The following FAM171B variants were observed in gnomAD, a reference collection of about 807,000 sequenced individuals.
FAM171B encodes the protein family with sequence similarity 171 member B, also known as protein FAM171B.
Under a neutral mutation model 75.6 loss-of-function variants are expected in FAM171B, and 19 were observed. The observed-to-expected ratio is 0.25, with a 90% CI of 0.18 to 0.37. The LOEUF is 0.37. FAM171B is among the 10% of genes least tolerant of loss of function. FAM171B has a pLI of 1.00. For missense variants in FAM171B, 848 were observed against 982.4 expected (o/e 0.86, Z 1.83); for synonymous variants, 367 against 361.7 (o/e 1.01, Z -0.17).
Position 186,762,732 on chromosome 2 carries a change from A to AAAG in FAM171B, c.2394_2396dup (p.Arg799dup). ...TTTGAAGCTAATACATCCCCCACTAAAAGAAGGGGCAGACCACCACTAGCC... is the reference window on the plus strand; with the variant it reads ...TTTGAAGCTAATACATCCCCCACTAAAAGAAGAAGGGGCAGACCACCACTAGCC... On this transcript the variant is annotated inframe_insertion, in exon 8 of 8. Coordinates refer to ENST00000304698, the MANE Select transcript of FAM171B (RefSeq NM_177454.4). The surrounding 1 kb of genome is among the most constrained non-coding windows in gnomAD (Gnocchi z 4.0). 1.2e-6 allele frequency: 2 copies of AAAG among 1,613,222 alleles called. No individual in the cohort carries two copies. Among genetic ancestry groups the AAAG allele is most frequent in the Non-Finnish European group, 1.7e-6 (2 of 1,179,566 alleles).
At chr2:186,714,716 G>T (rs191645593) in intron 1 of FAM171B, among the ~76,000 whole-genome samples, 3 of 152,126 alleles carry the variant, frequency 2.0e-5, no homozygotes, top group Non-Finnish European at 4.4e-5. Context: ...TGTGCTTTCC[G>T]AGCCTAGCTA....
chr2:186,753,201 T>G (rs534843356), intron 5 of FAM171B, among the ~76,000 whole-genome samples: 28 of 152,176 alleles, frequency 1.8e-4, no homozygotes, highest in Non-Finnish European at 3.2e-4. Flanking sequence ...CAGGCTGGAG[T>G]GCAGTGGCGC....
At chr2:186,743,446 A>G (rs770553304) in intron 2 of FAM171B, 37 bp from the exon 3 acceptor site, 2 of 1,458,316 alleles carry the variant, frequency 1.4e-6, no homozygotes, top group East Asian at 4.6e-5. Flanking sequence ...TTCCCCTCAC[A>G]TTAAGTAAAA....
intron 4 of FAM171B, 45 bp from the exon 5 acceptor site, chr2:186,751,089 C>A: frequency 7.0e-7 from 1 of 1,422,186 alleles, no homozygotes; most frequent in Non-Finnish European, 9.5e-7. Flanking sequence ...AGGTAACTAC[C>A]ACCTCTGTTT....
At chr2:186,712,935 A>G (rs1237461133) in intron 1 of FAM171B, among the ~76,000 whole-genome samples, 3 of 152,252 alleles carry the variant, frequency 2.0e-5, no homozygotes, top group African/African-American at 4.8e-5. Context: ...ATTGCAAACA[A>G]GTACATTTAA....
At chr2:186,719,518 AG>A (rs2105778178) in intron 1 of FAM171B, among the ~76,000 whole-genome samples, 1 of 152,340 alleles carries the variant, frequency 6.6e-6, no homozygotes, top group African/African-American at 2.4e-5. Context: ...CTTTATAAGA[AG>A]CTCTCTTAAT....
intron 4 of FAM171B, among the ~76,000 whole-genome samples, chr2:186,750,264 TTCAAAA>T (rs1299691778): frequency 6.6e-6 from 1 of 152,198 alleles, no homozygotes; most frequent in African/African-American, 2.4e-5. Flanking sequence ...TTGCTAATAT[TTCAAAA>T]GCAAAAGAAA....
Position 186,762,472 on chromosome 2 carries a change from C to T in FAM171B, c.2130C>T (p.Asp710=), listed in dbSNP as rs1275272145. 7.4e-6 allele frequency: 12 copies of T among 1,613,362 alleles called. No individual in the cohort carries two copies. The highest frequency in any genetic ancestry group is 9.3e-6 in the Non-Finnish European group (11 of 1,179,756). The change falls in exon 8 of 8, where the codon GAC becomes GAT. Residue 710 remains aspartate (D), a synonymous_variant. Transcript: ENST00000304698. This position sits in a 1 kb window ranked among gnomAD's most constrained non-coding sequence, Gnocchi z 4.0. ...SNDTSLDSGV[D]MNELHSSRKL... is the part of the protein sequence containing the mutation. ...ACACCAGTCTGGACTCTGGGGTGGA[C>T]ATGAATGAGCTTCACTCAAGTAGAA...
At position 186,710,420 on chromosome 2, in the gene FAM171B, CT is replaced by C. The variant is rs542696983; in HGVS notation, c.238+16012del. Among the ~76,000 whole-genome samples the C allele has an allele frequency of 7.2e-5, 11 of 152,318 alleles. No homozygotes were observed. In the South Asian group the frequency reaches 2.1e-3, roughly 29 times the overall value. Reference sequence around the variant, plus strand: ...TCTTAACCCAACAGATTTGCTTCCTCTTTAGACCTTATTTATTTCCACCACT... The same window carrying C: ...TCTTAACCCAACAGATTTGCTTCCTCTTAGACCTTATTTATTTCCACCACT... On this transcript the variant is annotated intron_variant, in intron 1 of 7. Transcript: ENST00000304698.
intron 1 of FAM171B, among the ~76,000 whole-genome samples, chr2:186,702,889 A>T (rs1689683248): frequency 6.6e-6 from 1 of 152,066 alleles, no homozygotes; most frequent in Non-Finnish European, 1.5e-5. Flanking sequence ...GTGACATTTC[A>T]ACTTCTATTT....
intron 1 of FAM171B, among the ~76,000 whole-genome samples, chr2:186,736,645 C>CTTTT (rs71396886): frequency 4.0e-5 from 2 of 50,204 alleles, no homozygotes; most frequent in Non-Finnish European, 6.8e-5. Flanking sequence ...GGGATCAGAG[C>CTTTT]TTTTTTTTTT....
chr2:186,754,891 C>A (rs572107737), intron 6 of FAM171B, among the ~76,000 whole-genome samples: 9 of 151,920 alleles, frequency 5.9e-5, no homozygotes, highest in Non-Finnish European at 1.2e-4. Context: ...CCAAGGCAGC[C>A]AAAAGATTGG....
At chr2:186,751,083 A>G in intron 4 of FAM171B, 51 bp from the exon 5 acceptor site, 1 of 1,389,286 alleles carries the variant, frequency 7.2e-7, no homozygotes, top group African/African-American at 1.4e-5. Flanking sequence ...ATAATTAGGT[A>G]ACTACCACCT....
intron 1 of FAM171B, among the ~76,000 whole-genome samples, chr2:186,705,030 G>C (rs967361588): frequency 2.0e-5 from 3 of 152,212 alleles, no homozygotes; most frequent in African/African-American, 7.2e-5. Flanking sequence ...GCTTCGCCCA[G>C]GAAGGAATTC....
At chr2:186,708,498 T>TG (rs1689764898) in intron 1 of FAM171B, among the ~76,000 whole-genome samples, 1 of 152,074 alleles carries the variant, frequency 6.6e-6, no homozygotes, top group Admixed American at 6.6e-5. Flanking sequence ...CCACACATAA[T>TG]AATAGTGTGA....
In FAM171B at chr2:186,764,238, T is replaced by C. The variant is rs1432125958; in HGVS notation, c.*1415T>C. ...CCTCCTATTCAACATGGGAGCAGCA[T>C]AGAGACCCAAACCATGTAAACAAGT... On this transcript the variant is annotated 3_prime_UTR_variant, in exon 8 of 8. Transcript: ENST00000304698. The C allele has an allele frequency of 7.2e-5, 11 of 152,008 alleles. No homozygotes were observed. Among genetic ancestry groups the C allele is most frequent in the Non-Finnish European group, 1.5e-4 (10 of 67,938 alleles). The allele number at this position is 152,008 out of a possible 1,614,324, so 9.4% of individuals were successfully genotyped here.
intron 5 of FAM171B, among the ~76,000 whole-genome samples, chr2:186,752,103 G>A (rs1267379620): frequency 3.3e-5 from 5 of 152,164 alleles, no homozygotes; most frequent in Non-Finnish European, 7.3e-5. Context: ...CCAGGTTGAA[G>A]GCCAGTAGAG....
At chr2:186,759,771 A>T (rs999363049) in intron 6 of FAM171B, among the ~76,000 whole-genome samples, 2 of 151,230 alleles carry the variant, frequency 1.3e-5, no homozygotes, top group African/African-American at 2.4e-5. Flanking sequence ...CCCTTTGTTG[A>T]TTGTTTGCTT....
chr2:186,740,195 G>C, intron 1 of FAM171B, 33 bp from the exon 2 acceptor site: 1 of 1,500,476 alleles, frequency 6.7e-7, no homozygotes, highest in Non-Finnish European at 9.3e-7. Flanking sequence ...TCTAGGATAC[G>C]ACATGCTGCA....
Sources: allele counts gnomAD v4.1 joint callset (sites outside exome capture counted in the v4.1 genomes callset), GRCh38; gene constraint gnomAD v4.1.1; non-coding constraint Gnocchi (gnomAD v3.1); transcripts MANE v1.5; gene names NCBI Gene and HGNC (gene_info 2026-07-23, HGNC 2026-07-21).